POFUT3: variants seen among roughly 807,000 people sequenced by gnomAD.
The protein encoded by POFUT3 is GDP-fucose protein O-fucosyltransferase 3.
the POFUT3 span, among the ~76,000 whole-genome samples, chr8:33,373,277 A>T: frequency 9.2e-5 from 14 of 152,284 alleles, no homozygotes; most frequent in Admixed American, 4.6e-4. Context: ...TTTTTAATAT[A>T]CTTATATGTT....
chr8:33,431,530 A>C, the POFUT3 span, among the ~76,000 whole-genome samples: 1 of 123,430 alleles, frequency 8.1e-6, no homozygotes, highest in Non-Finnish European at 1.6e-5. Context: ...CCTGGGCAAC[A>C]GAGCAAGACC....
chr8:33,344,821 CT>C, the POFUT3 span, among the ~76,000 whole-genome samples: 3 of 152,222 alleles, frequency 2.0e-5, no homozygotes, highest in African/African-American at 7.2e-5. Context: ...TAAGAGGCAA[CT>C]TGCCGAATCC....
the POFUT3 span, among the ~76,000 whole-genome samples, chr8:33,332,630 A>G: frequency 2.9e-3 from 448 of 152,338 alleles, 5 homozygotes; most frequent in African/African-American, 0.01. Context: ...AGAAGCACAC[A>G]TTTGTTCTCT....
the POFUT3 span, among the ~76,000 whole-genome samples, chr8:33,376,612 G>T: frequency 6.6e-6 from 1 of 152,186 alleles, no homozygotes. Flanking sequence ...ACTTCCAAGG[G>T]CCTAGAACTT....
chr8:33,454,927 A>T, the POFUT3 span, among the ~76,000 whole-genome samples: 1 of 152,060 alleles, frequency 6.6e-6, no homozygotes, highest in African/African-American at 2.4e-5. Flanking sequence ...CAGCCTCCCA[A>T]AGTGCTAGGA....
chr8:33,398,100 A>G, the POFUT3 span, among the ~76,000 whole-genome samples: 1 of 152,242 alleles, frequency 6.6e-6, no homozygotes, highest in South Asian at 2.1e-4. Flanking sequence ...TGGTGGGAGA[A>G]AGGAGTAATT....
At chr8:33,449,581 C>T in the POFUT3 span, among the ~76,000 whole-genome samples, 26 of 151,816 alleles carry the variant, frequency 1.7e-4, no homozygotes, top group Admixed American at 3.9e-4. Context: ...TGAGCCGCCG[C>T]GTCTGGCCTG....
chr8:33,412,112 C>T, the POFUT3 span, among the ~76,000 whole-genome samples: 2 of 152,156 alleles, frequency 1.3e-5, no homozygotes, highest in Non-Finnish European at 2.9e-5. Flanking sequence ...TGTGTATTTA[C>T]GGAACACACA....
the POFUT3 span, among the ~76,000 whole-genome samples, chr8:33,437,446 A>G: frequency 1.3e-5 from 2 of 152,160 alleles, no homozygotes; most frequent in Non-Finnish European, 2.9e-5. Context: ...GGAGGGGAAA[A>G]AAAAACCATA....
the POFUT3 span, among the ~76,000 whole-genome samples, chr8:33,381,221 T>C: frequency 6.6e-6 from 1 of 152,180 alleles, no homozygotes; most frequent in African/African-American, 2.4e-5. Flanking sequence ...AAAAAGTAAA[T>C]TCTATTAACC....
chr8:33,429,611 A>T, the POFUT3 span, among the ~76,000 whole-genome samples: 4 of 152,246 alleles, frequency 2.6e-5, no homozygotes, highest in South Asian at 8.3e-4. Context: ...GGAGGAAGAG[A>T]CAGACACAAA....
chr8:33,467,817 T>G, the POFUT3 span, among the ~76,000 whole-genome samples: 1 of 152,208 alleles, frequency 6.6e-6, no homozygotes, highest in Non-Finnish European at 1.5e-5. Flanking sequence ...CAGCTTCAAA[T>G]TTTGGCCATT....
the POFUT3 span, chr8:33,436,796 T>C: frequency 4.2e-3 from 2,051 of 483,324 alleles, 34 homozygotes; most frequent in African/African-American, 0.036. Context: ...TTTTTTCAAC[T>C]TTTATTTTAG....
At chr8:33,327,510 C>T in the POFUT3 span, among the ~76,000 whole-genome samples, 2 of 152,042 alleles carry the variant, frequency 1.3e-5, no homozygotes, top group Admixed American at 1.3e-4. Context: ...CCAAGAAAGT[C>T]GAAGTCTCAG....
At chr8:33,407,790 G>A in the POFUT3 span, among the ~76,000 whole-genome samples, 7 of 151,986 alleles carry the variant, frequency 4.6e-5, no homozygotes, top group Non-Finnish European at 1.0e-4. Flanking sequence ...ATCACCTGAG[G>A]TCAGGAGTTT....
At chr8:33,363,239 G>A in the POFUT3 span, among the ~76,000 whole-genome samples, 144 of 152,140 alleles carry the variant, frequency 9.5e-4, 1 homozygote, top group African/African-American at 3.3e-3. Context: ...AAGACACAAC[G>A]TACCAGAATC....
the POFUT3 span, among the ~76,000 whole-genome samples, chr8:33,420,298 A>C: frequency 1.8e-4 from 27 of 152,332 alleles, 1 homozygote; most frequent in African/African-American, 6.0e-4. Context: ...ATATACAAAA[A>C]AATGTAATTG....
chr8:33,362,292 C>T, the POFUT3 span, among the ~76,000 whole-genome samples: 1 of 152,048 alleles, frequency 6.6e-6, no homozygotes, highest in African/African-American at 2.4e-5. Flanking sequence ...AAGAAACAAC[C>T]CGTACAAGCC....
chr8:33,434,813 C>T, the POFUT3 span, among the ~76,000 whole-genome samples: 14 of 152,312 alleles, frequency 9.2e-5, no homozygotes, highest in Non-Finnish European at 1.5e-4. Context: ...CCTCGCTCCC[C>T]GAGGACTCCC....
Sources: gnomAD v4.1 joint callset for allele counts (sites outside exome capture counted in the v4.1 genomes callset) on GRCh38, gnomAD v4.1.1 for gene constraint, MANE v1.5 for transcripts, NCBI Gene and HGNC (gene_info 2026-07-23, HGNC 2026-07-21) for gene names.